Variants in NTM observed in about 807,000 individuals in gnomAD.
NTM encodes the protein neurotrimin, also known as IgLON family member 2.
A neutral mutation model predicts 42.1 loss-of-function variants in NTM; 13 were observed. That is an observed-to-expected ratio of 0.31 (90% CI 0.20 to 0.49). NTM has a LOEUF of 0.49. NTM is among the 20% of genes least tolerant of loss of function. The probability of loss-of-function intolerance (pLI) is 0.99; values close to 1 mark genes in which losing one functional copy is unlikely to be tolerated. For synonymous variants in NTM, 187 were observed against 179.2 expected (o/e 1.04, Z -0.35); for missense variants, 373 against 452.8 (o/e 0.82, Z 1.60).
rs1236424790 is a variant in NTM at position 132,195,736 on chromosome 11, G to A, written c.401-16286G>A. On this transcript the variant is annotated intron_variant, in intron 3 of 8. Transcript: ENST00000683400. ...ACTCCCTATTCAATAGATGGTGCAA[G>A]ATAACTGGCTAGCCTTATGCAGAAG... 3.3e-5 allele frequency among the ~76,000 whole-genome samples: 5 copies of A among 152,200 alleles called. No homozygotes were observed. In the East Asian group the frequency reaches 7.7e-4, roughly 23 times the overall value.
At chr11:131,702,415 A>G (rs2076167910) in intron 1 of NTM, among the ~76,000 whole-genome samples, 1 of 152,216 alleles carries the variant, frequency 6.6e-6, no homozygotes, top group African/African-American at 2.4e-5. Context: ...CTACTGTAAT[A>G]ACTCCATCTT....
intron 2 of NTM, among the ~76,000 whole-genome samples, chr11:131,956,613 G>A (rs538754217): frequency 3.9e-5 from 6 of 152,066 alleles, no homozygotes; most frequent in African/African-American, 1.4e-4. Context: ...GGTTGGGGGT[G>A]GGGGAGCTGA....
At chr11:131,903,877 G>C (rs1449067646) in intron 1 of NTM, among the ~76,000 whole-genome samples, 2 of 152,164 alleles carry the variant, frequency 1.3e-5, no homozygotes, top group African/African-American at 4.8e-5. Flanking sequence ...TTCTGCAAAA[G>C]TGCATTAACC....
At chr11:131,814,688 C>T (rs2092875926) in intron 1 of NTM, among the ~76,000 whole-genome samples, 2 of 152,144 alleles carry the variant, frequency 1.3e-5, no homozygotes, top group African/African-American at 4.8e-5. Flanking sequence ...CCATTTAAAA[C>T]CATGCCCACT....
rs370151343 is a variant in NTM at position 131,754,983 on chromosome 11, A to G, written c.83-156581A>G. Among the ~76,000 whole-genome samples the G allele has an allele frequency of 1.2e-4, 18 of 152,318 alleles. 1 individual carries two copies. The East Asian group carries it at 2.1e-3, about 18-fold the overall frequency. ...GATTCCATTTTTATGAAATTCTAGG[A>G]AAGGCAAAACTAATCTAAAGTGACA... On this transcript the variant is annotated intron_variant, in intron 1 of 8. Transcript: ENST00000683400.
intron 1 of NTM, among the ~76,000 whole-genome samples, chr11:131,500,224 G>A (rs951589853): frequency 6.6e-5 from 10 of 152,050 alleles, no homozygotes; most frequent in African/African-American, 1.7e-4. Context: ...AGAAGTACGC[G>A]GACTCAAGCT....
At chr11:132,118,731 G>A (rs1376885058) in intron 2 of NTM, among the ~76,000 whole-genome samples, 1 of 152,184 alleles carries the variant, frequency 6.6e-6, no homozygotes, top group Non-Finnish European at 1.5e-5. Context: ...CTCTCTGGAT[G>A]TTCCCTTACG....
At chr11:131,487,214 T>C (rs532242143) in intron 1 of NTM, among the ~76,000 whole-genome samples, 21 of 152,240 alleles carry the variant, frequency 1.4e-4, no homozygotes, top group Non-Finnish European at 2.9e-4. Context: ...TATGTTTATC[T>C]TAAACTCTTG....
chr11:131,622,429 G>A (rs748831682), intron 1 of NTM, among the ~76,000 whole-genome samples: 16 of 152,252 alleles, frequency 1.1e-4, no homozygotes, highest in South Asian at 2.1e-4. Context: ...TGTATGCTCC[G>A]TGTCGCCAAG....
At chr11:131,675,734 G>A (rs1019422314) in intron 1 of NTM, among the ~76,000 whole-genome samples, 1 of 152,108 alleles carries the variant, frequency 6.6e-6, no homozygotes, top group African/African-American at 2.4e-5. Flanking sequence ...TCCACAGAGG[G>A]CCTTGACTTA....
At chr11:131,852,960 A>G (rs140044172) in intron 1 of NTM, among the ~76,000 whole-genome samples, 1 of 146,018 alleles carries the variant, frequency 6.8e-6, no homozygotes, top group African/African-American at 2.7e-5. Flanking sequence ...TCATCCACTC[A>G]TCCATCCACC....
At chr11:131,934,423 A>G (rs1443531370) in intron 2 of NTM, among the ~76,000 whole-genome samples, 1 of 152,230 alleles carries the variant, frequency 6.6e-6, no homozygotes, top group Non-Finnish European at 1.5e-5. Flanking sequence ...ATTAATTATA[A>G]TCATATAAAG....
intron 1 of NTM, among the ~76,000 whole-genome samples, chr11:131,894,470 G>T (rs1236531976): frequency 6.6e-6 from 1 of 152,200 alleles, no homozygotes; most frequent in Non-Finnish European, 1.5e-5. Flanking sequence ...GCTCTGAAAA[G>T]CAGTACTGAG....
intron 1 of NTM, among the ~76,000 whole-genome samples, chr11:131,809,193 T>A (rs1414545236): frequency 1.3e-5 from 2 of 152,226 alleles, no homozygotes; most frequent in Non-Finnish European, 2.9e-5. Flanking sequence ...TTTAGTCCCT[T>A]CCAGGATTTC....
intron 2 of NTM, among the ~76,000 whole-genome samples, chr11:131,962,602 C>G (rs2062341291): frequency 6.6e-6 from 1 of 152,200 alleles, no homozygotes; most frequent in Non-Finnish European, 1.5e-5. Context: ...GCCTCAAAAA[C>G]CCTGAGGAAC....
intron 1 of NTM, among the ~76,000 whole-genome samples, chr11:131,893,991 G>C (rs989788314): frequency 6.6e-6 from 1 of 152,238 alleles, no homozygotes; most frequent in Non-Finnish European, 1.5e-5. Flanking sequence ...GCAAAAGAGA[G>C]AGAAAGGTGA....
chr11:131,882,876 GT>G (rs141967247), intron 1 of NTM, among the ~76,000 whole-genome samples: 10 of 151,260 alleles, frequency 6.6e-5, no homozygotes, highest in East Asian at 1.9e-4. Flanking sequence ...CTACTTCACT[GT>G]TTTTTTTTCT....
chr11:131,782,789 T>G (rs2088415149), intron 1 of NTM, among the ~76,000 whole-genome samples: 1 of 152,184 alleles, frequency 6.6e-6, no homozygotes, highest in South Asian at 2.1e-4. Context: ...CATTCCTTTG[T>G]GATACAAACT....
chr11:131,905,394 C>T (rs1486805621), intron 1 of NTM, among the ~76,000 whole-genome samples: 6 of 152,128 alleles, frequency 3.9e-5, no homozygotes, highest in Non-Finnish European at 5.9e-5. Flanking sequence ...TCCCGAGGTG[C>T]CCATCCTTAG....
Sources: allele counts gnomAD v4.1 joint callset (sites outside exome capture counted in the v4.1 genomes callset), GRCh38; gene constraint gnomAD v4.1.1; transcripts MANE v1.5; gene names NCBI Gene and HGNC (gene_info 2026-07-23, HGNC 2026-07-21).